The following TBC1D16 variants were observed in gnomAD, a reference collection of about 807,000 sequenced individuals.
The protein encoded by TBC1D16 is CTD-2529O21.1.
TBC1D16 carries 58 observed loss-of-function variants against 74.7 expected under a neutral mutation model. The ratio of observed to expected loss-of-function variants is 0.78; its 90% CI spans 0.63 to 0.97. The LOEUF is 0.97. Among genes scored for constraint, TBC1D16 ranks in the 50% least tolerant of loss-of-function variants. TBC1D16 has a pLI of 0.00. For synonymous variants in TBC1D16, 493 were observed against 474.7 expected (o/e 1.04, Z -0.50); for missense variants, 1,014 against 1,079.5 (o/e 0.94, Z 0.85).
chr17:80,003,045 G>C (rs904111763), intron 3 of TBC1D16, among the ~76,000 whole-genome samples: 2 of 152,228 alleles, frequency 1.3e-5, no homozygotes, highest in Admixed American at 1.3e-4. Flanking sequence ...GAACATTCCA[G>C]CTGCGGGCAG....
intron 9 of TBC1D16, among the ~76,000 whole-genome samples, chr17:79,945,510 A>G (rs2032453097): frequency 6.6e-6 from 1 of 152,082 alleles, no homozygotes; most frequent in African/African-American, 2.4e-5. Context: ...ACCCAGATCT[A>G]TCATCTTCCA....
At chr17:79,965,208 T>G (rs1385731088) in intron 3 of TBC1D16, among the ~76,000 whole-genome samples, 1 of 152,024 alleles carries the variant, frequency 6.6e-6, no homozygotes, top group Admixed American at 6.6e-5. Context: ...GCCTCCCAAG[T>G]AGCTGGGATT....
intron 3 of TBC1D16, among the ~76,000 whole-genome samples, chr17:79,989,454 A>T (rs994043376): frequency 2.0e-5 from 3 of 152,184 alleles, no homozygotes; most frequent in Non-Finnish European, 4.4e-5. Flanking sequence ...GGCTCCCACA[A>T]AAACACTGTG....
chr17:79,940,721 T>G lies in TBC1D16; in HGVS notation c.*138A>C. 2 of 1,018,258 alleles carry G rather than the reference T, an allele frequency of 2.0e-6. No homozygotes were observed. The highest frequency in any genetic ancestry group is 2.7e-6 in the Non-Finnish European group (2 of 749,164). The allele number at this position is 1,018,258 out of a possible 1,614,324, so 63.1% of individuals were successfully genotyped here. ...TAATTTTGTCATTAATATGAAAAGG[T>G]TCCTCTCATGTTGCCCAAAAGCATT... On this transcript the variant is annotated 3_prime_UTR_variant, in exon 12 of 12. Transcript: ENST00000310924. This position sits in a 1 kb window ranked among gnomAD's most constrained non-coding sequence, Gnocchi z 5.4.
At chr17:79,977,249 C>T (rs1257658362) in intron 3 of TBC1D16, among the ~76,000 whole-genome samples, 1 of 152,174 alleles carries the variant, frequency 6.6e-6, no homozygotes, top group East Asian at 1.9e-4. Flanking sequence ...ATGCATGGAG[C>T]CCCGCCCCAT....
chr17:80,034,293 C>T (rs942977401), intron 1 of TBC1D16, among the ~76,000 whole-genome samples: 6 of 149,364 alleles, frequency 4.0e-5, no homozygotes, highest in Admixed American at 6.8e-5. Context: ...CTTCGCCTCC[C>T]GAGCTCAAGC....
rs1332493243 is a variant in TBC1D16 at position 79,954,850 on chromosome 17, C to G, written c.780-2032G>C. Among the ~76,000 whole-genome samples, 2 of 152,164 alleles carry G rather than the reference C, an allele frequency of 1.3e-5. No homozygotes were observed. Among genetic ancestry groups the G allele is most frequent in the East Asian group, 3.9e-4 (2 of 5,184 alleles). On this transcript the variant is annotated intron_variant, in intron 3 of 11. Coordinates refer to ENST00000310924, the MANE Select transcript of TBC1D16 (RefSeq NM_019020.4). The surrounding 1 kb of genome is among the most constrained non-coding windows in gnomAD (Gnocchi z 5.5). The stretch of plus-strand genomic sequence containing the variant: ...TACCACACCCAACAGCAGAATCCCC[C>G]AAACCTGCTTGTTCCTCCCAGCACA...
At position 79,952,677 on chromosome 17, in the gene TBC1D16, G is replaced by C. The variant is rs779729033; in HGVS notation, c.921C>G (p.Arg307=). ...CCTACCTGAAGAAAAGGCGGAGGGA[G>C]CGCATGTGGCCCAGGTCCACGCGGA... ...GVFRVDLGHM[R]SLRLFFSDEA... The change falls in exon 4 of 12, where the codon CGC becomes CGG. Residue 307 remains arginine (R), a synonymous_variant. Coordinates refer to ENST00000310924, the MANE Select transcript of TBC1D16 (RefSeq NM_019020.4). 6.2e-7 allele frequency: 1 copy of C among 1,601,220 alleles called. No individual in the cohort carries two copies. The highest frequency in any genetic ancestry group is 2.2e-5 in the East Asian group (1 of 44,474).
intron 3 of TBC1D16, among the ~76,000 whole-genome samples, chr17:79,996,621 T>C (rs539976039): frequency 1.3e-5 from 2 of 152,230 alleles, no homozygotes; most frequent in African/African-American, 2.4e-5. Flanking sequence ...TGGCTCACGC[T>C]TGCAATCCCA....
intron 3 of TBC1D16, among the ~76,000 whole-genome samples, chr17:79,982,522 G>A (rs1029606913): frequency 1.3e-5 from 2 of 152,018 alleles, no homozygotes; most frequent in South Asian, 4.1e-4. Context: ...GAACCTGTGT[G>A]TGCACGTGTG....
rs537686675 is a variant in TBC1D16 at position 80,007,555 on chromosome 17, T to C, written c.779+2605A>G. The stretch of plus-strand genomic sequence containing the variant: ...CAGGGTGTCTCAGTGGGGACTCGAG[T>C]GTCAGAGCAGAGAAGGGGGCCATGG... On this transcript the variant is annotated intron_variant, in intron 3 of 11. Coordinates refer to ENST00000310924, the MANE Select transcript of TBC1D16 (RefSeq NM_019020.4). The surrounding 1 kb of genome is among the most constrained non-coding windows in gnomAD (Gnocchi z 4.5). Among the ~76,000 whole-genome samples, 5 of 151,888 alleles carry C rather than the reference T, an allele frequency of 3.3e-5. No homozygotes were observed. Among genetic ancestry groups the C allele is most frequent in the African/African-American group, 9.7e-5 (4 of 41,416 alleles).
intron 3 of TBC1D16, among the ~76,000 whole-genome samples, chr17:80,004,846 T>G (rs1366776382): frequency 6.6e-6 from 1 of 152,188 alleles, no homozygotes; most frequent in Non-Finnish European, 1.5e-5. Context: ...AACTAATTTT[T>G]GTATTTTTAG....
In TBC1D16 at chr17:79,949,762, A is replaced by AGCGCCTCCC; in HGVS notation, c.1352_1360dup (p.Arg451_Ala453dup). 6.2e-7 allele frequency: 1 copy of AGCGCCTCCC among 1,613,352 alleles called. No homozygotes were observed. Among genetic ancestry groups the AGCGCCTCCC allele is most frequent in the Non-Finnish European group, 8.5e-7 (1 of 1,179,838 alleles). On this transcript the variant is annotated inframe_insertion, in exon 7 of 12. Transcript: ENST00000310924. ...GTACTCCTTTCGCTTCTGCAGCCGC[A>AGCGCCTCCC]GCGCCTCCCGCTCCTCCGACGTGGA...
intron 1 of TBC1D16, among the ~76,000 whole-genome samples, chr17:80,024,459 CCAT>C (rs2036434445): frequency 4.6e-4 from 4 of 8,752 alleles, no homozygotes; most frequent in African/African-American, 8.9e-4. Flanking sequence ...ACCACACACA[CCAT>C]AGACACACAC....
At chr17:79,947,380 A>G in intron 9 of TBC1D16, among the ~76,000 whole-genome samples, 1 of 152,288 alleles carries the variant, frequency 6.6e-6, no homozygotes, top group African/African-American at 2.4e-5. Flanking sequence ...AGCTTGGGCC[A>G]GGTTGTCACG....
chr17:80,015,837 C>A (rs2036067428), intron 1 of TBC1D16, among the ~76,000 whole-genome samples: 1 of 151,872 alleles, frequency 6.6e-6, no homozygotes, highest in South Asian at 2.1e-4. Flanking sequence ...ATAGCAAAAC[C>A]CCGCCTCTAC....
rs1451250432 is a variant in TBC1D16, at chr17:79,994,746, AG to A, written c.779+15413del. On this transcript the variant is annotated intron_variant, in intron 3 of 11. Coordinates refer to ENST00000310924, the MANE Select transcript of TBC1D16 (RefSeq NM_019020.4). This position sits in a 1 kb window ranked among gnomAD's most constrained non-coding sequence, Gnocchi z 4.6. ...GCCGAGAATGTTTTTTCAAAAAAGC[AG>A]GTCGCCAATCTGTGTAGACTCGTGC... 2.0e-5 allele frequency among the ~76,000 whole-genome samples: 3 copies of A among 152,162 alleles called. No individual in the cohort carries two copies. The highest frequency in any genetic ancestry group is 4.4e-5 in the Non-Finnish European group (3 of 68,038).
rs943569002 is a variant in TBC1D16, at chr17:79,980,620, A to T, written c.780-27802T>A. Among the ~76,000 whole-genome samples, 3 of 152,176 alleles carry T rather than the reference A, an allele frequency of 2.0e-5. No individual in the cohort carries two copies. Among genetic ancestry groups the T allele is most frequent in the Admixed American group, 2.0e-4 (3 of 15,284 alleles). On this transcript the variant is annotated intron_variant, in intron 3 of 11. Transcript: ENST00000310924. This position sits in a 1 kb window ranked among gnomAD's most constrained non-coding sequence, Gnocchi z 7.0. ...CGAAGAGACACAGTGGGTGGCAGGAACGGGGAACAGAAAGCCAGAACCTTC... is the reference window on the plus strand; with the variant it reads ...CGAAGAGACACAGTGGGTGGCAGGATCGGGGAACAGAAAGCCAGAACCTTC...
In TBC1D16 at chr17:79,950,960, C is replaced by G. The variant is rs1354543253; in HGVS notation, c.1090-382G>C. ...GCTGTTCTGCGAGCAGGGAGCCAGCCTGTCAGATTGCCTCCGCGAGCAGTC... is the reference window on the plus strand; with the variant it reads ...GCTGTTCTGCGAGCAGGGAGCCAGCGTGTCAGATTGCCTCCGCGAGCAGTC... On this transcript the variant is annotated intron_variant, in intron 5 of 11. Transcript: ENST00000310924. The surrounding 1 kb of genome is among the most constrained non-coding windows in gnomAD (Gnocchi z 4.6). 9.5e-6 allele frequency: 10 copies of G among 1,052,444 alleles called. No homozygotes were observed. In the Admixed American group the frequency reaches 3.0e-4, roughly 32 times the overall value. 65.2% of individuals were successfully genotyped at this position (1,052,444 alleles called of 1,614,324 possible). A position where few individuals can be genotyped will look rare whatever the true frequency, so the allele number is the denominator to read the frequency against.
Sources: gnomAD v4.1 joint callset for allele counts (sites outside exome capture counted in the v4.1 genomes callset) on GRCh38, gnomAD v4.1.1 for gene constraint, Gnocchi (gnomAD v3.1) non-coding constraint, MANE v1.5 for transcripts, NCBI Gene and HGNC (gene_info 2026-07-23, HGNC 2026-07-21) for gene names.